Variants in PKHD1L1 observed in about 807,000 individuals in gnomAD.
PKHD1L1 encodes PKHD1 like 1.
A neutral mutation model predicts 462.9 loss-of-function variants in PKHD1L1; 434 were observed. That is an observed-to-expected ratio of 0.94 (90% CI 0.87 to 1.02). The LOEUF (loss-of-function observed/expected upper bound fraction) is 1.02. Among genes scored for constraint, PKHD1L1 ranks in the 50% least tolerant of loss-of-function variants. The pLI, the probability that PKHD1L1 is intolerant of heterozygous loss-of-function variation, is 0.00. For synonymous variants in PKHD1L1, 1,781 were observed against 1,750.0 expected (o/e 1.02, Z -0.44); for missense variants, 5,202 against 5,096.1 (o/e 1.02, Z -0.63).
intron 43 of PKHD1L1, among the ~76,000 whole-genome samples, chr8:109,453,871 A>T (rs1011485119): frequency 3.3e-5 from 5 of 152,122 alleles, no homozygotes; most frequent in African/African-American, 1.2e-4. Context: ...TGCATAGCTG[A>T]GCTATTTAGT....
chr8:109,466,436 A>G (rs2130838446), intron 49 of PKHD1L1, 142 bp from the exon 50 acceptor site: 2 of 790,194 alleles, frequency 2.5e-6, no homozygotes, highest in Admixed American at 3.5e-5. Context: ...CTCTTGCTCC[A>G]TGCAAACAAG....
chr8:109,382,488 G>A lies in PKHD1L1; in HGVS notation c.334G>A (p.Val112Ile), dbSNP rs1301992716. The change falls in exon 4 of 78, where the codon GTT becomes ATT. Residue 112 changes from valine (V) to isoleucine (I), a missense_variant. Physicochemically the swap from Val to Ile is conservative, Grantham distance 29. This residue lies in a region of PKHD1L1 where 4,497 missense variants were observed against 4,336.8 expected (regional missense o/e 1.04). Coordinates refer to ENST00000378402, the MANE Select transcript of PKHD1L1 (RefSeq NM_177531.6). ...TRAMPEDSYT[V>I]RVSVDGVPVT... ...AGCAATGCCGGAAGATTCCTACACT[G>A]TTAGAGTCAGTGTGGACGGGGTTCC... The A allele has an allele frequency of 6.2e-7, 1 of 1,611,242 alleles. No individual in the cohort carries two copies. The highest frequency in any genetic ancestry group is 8.5e-7 in the Non-Finnish European group (1 of 1,178,666).
At chr8:109,371,913 A>C (rs1172275044) in intron 2 of PKHD1L1, among the ~76,000 whole-genome samples, 1 of 151,970 alleles carries the variant, frequency 6.6e-6, no homozygotes, top group Non-Finnish European at 1.5e-5. Context: ...GTAGCCTTGT[A>C]GTATAGTTTG....
intron 5 of PKHD1L1, among the ~76,000 whole-genome samples, chr8:109,385,100 G>A (rs886948982): frequency 1.3e-5 from 2 of 151,360 alleles, no homozygotes; most frequent in South Asian, 2.1e-4. Context: ...TTTTTAAATA[G>A]CATTTAAAAA....
At chr8:109,380,131 T>C (rs2130402773) in intron 2 of PKHD1L1, among the ~76,000 whole-genome samples, 1 of 152,282 alleles carries the variant, frequency 6.6e-6, no homozygotes, top group African/African-American at 2.4e-5. Context: ...ATTATAGTTT[T>C]AGGACTAATT....
Position 109,529,661 on chromosome 8 carries a change from G to A in PKHD1L1, c.12722-419G>A, listed in dbSNP as rs182817515. On this transcript the variant is annotated intron_variant, in intron 77 of 77. Coordinates refer to ENST00000378402, the MANE Select transcript of PKHD1L1 (RefSeq NM_177531.6). ...TTCCAGGAACTTTTCCAGATAAGAA[G>A]ATTAATCAATGGCTTCTTCTTTGCT... is the stretch of plus-strand genomic sequence containing the variant. 4.5e-3 allele frequency among the ~76,000 whole-genome samples: 683 copies of A among 151,308 alleles called. 2 individuals carry two copies. The highest frequency in any genetic ancestry group is 7.5e-3 in the Non-Finnish European group (508 of 67,964).
In PKHD1L1 at chr8:109,435,322, C is replaced by CA; in HGVS notation, c.3474dup (p.His1159ThrfsTer5). On this transcript the variant is annotated frameshift_variant, in exon 29 of 78. Coordinates refer to ENST00000378402, the MANE Select transcript of PKHD1L1 (RefSeq NM_177531.6). LOFTEE classifies it high-confidence loss of function. ...TACTTTGTTTATCAGAGTCAGATCTCACATATCTGGCCTGATTCTGGAAGC... is the reference window on the plus strand; with the variant it reads ...TACTTTGTTTATCAGAGTCAGATCTCAACATATCTGGCCTGATTCTGGAAGC... 6.2e-7 allele frequency: 1 copy of CA among 1,613,452 alleles called. No individual in the cohort carries two copies. The highest frequency in any genetic ancestry group is 8.5e-7 in the Non-Finnish European group (1 of 1,179,626).
rs144784103 is a variant in PKHD1L1 at position 109,381,901 on chromosome 8, T to C, written c.308+387T>C. Among the ~76,000 whole-genome samples the C allele has an allele frequency of 1.3e-3, 204 of 152,296 alleles. 1 individual carries two copies. The highest frequency in any genetic ancestry group is 4.6e-3 in the African/African-American group (192 of 41,574). ...TAAGATTAAATATAATCATTTTGCA[T>C]AGTGACATTTCAAGTTCTTTACTAT... On this transcript the variant is annotated intron_variant, in intron 3 of 77. Coordinates refer to ENST00000378402, the MANE Select transcript of PKHD1L1 (RefSeq NM_177531.6).
At position 109,466,703 on chromosome 8, in the gene PKHD1L1, T is replaced by C. The variant is rs1338623702; in HGVS notation, c.8539T>C (p.Leu2847=). ...TGATGCTTCAGTCAGCTTTCACCGT[T>C]TAGCGTTCAACCAGCCTTCTCCAGT... ...VCDASVSFHR[L]AFNQPSPVSL... The change falls in exon 50 of 78, where the codon TTA becomes CTA. Residue 2847 remains leucine (L), a synonymous_variant. Coordinates refer to ENST00000378402, the MANE Select transcript of PKHD1L1 (RefSeq NM_177531.6). 6.2e-7 allele frequency: 1 copy of C among 1,613,002 alleles called. No individual in the cohort carries two copies. Among genetic ancestry groups the C allele is most frequent in the South Asian group, 1.1e-5 (1 of 90,898 alleles).
chr8:109,487,451 C>T (rs975462997), intron 59 of PKHD1L1, among the ~76,000 whole-genome samples: 1 of 150,390 alleles, frequency 6.6e-6, no homozygotes, highest in African/African-American at 2.4e-5. Context: ...TCCCTCCCTC[C>T]CTTCCTCCCT....
intron 42 of PKHD1L1, 75 bp downstream of exon 42, chr8:109,452,355 G>C: frequency 9.2e-6 from 12 of 1,306,362 alleles, no homozygotes; most frequent in Non-Finnish European, 1.2e-5. Flanking sequence ...ATTGGTAATT[G>C]TTGTTTTACT....
At chr8:109,487,944 AGAAG>A (rs796446244) in intron 59 of PKHD1L1, among the ~76,000 whole-genome samples, 10 of 36,888 alleles carry the variant, frequency 2.7e-4, no homozygotes, top group African/African-American at 3.4e-4. Flanking sequence ...AAGGAAGGAA[AGAAG>A]GAAGGAAGGA....
intron 53 of PKHD1L1, among the ~76,000 whole-genome samples, chr8:109,478,107 CATTTAGTGGGCACTGA>C (rs1818086608): frequency 6.6e-6 from 1 of 152,134 alleles, no homozygotes; most frequent in Non-Finnish European, 1.5e-5. Flanking sequence ...TAAAAACTAA[CATTTAGTGGGCACTGA>C]ATAGCCCACT....
chr8:109,383,197 A>G (rs1198864408), intron 4 of PKHD1L1, among the ~76,000 whole-genome samples: 3 of 87,938 alleles, frequency 3.4e-5, no homozygotes, highest in Admixed American at 1.7e-4. Flanking sequence ...ATTATATATA[A>G]TTATATATTA....
At chr8:109,489,664 A>G (rs1818730680) in intron 59 of PKHD1L1, among the ~76,000 whole-genome samples, 1 of 151,952 alleles carries the variant, frequency 6.6e-6, no homozygotes, top group East Asian at 1.9e-4. Flanking sequence ...TAGGTATTAC[A>G]ATGGTTTGTG....
chr8:109,491,848 T>C, intron 61 of PKHD1L1, 25 bp from the exon 62 acceptor site: 3 of 1,527,212 alleles, frequency 2.0e-6, no homozygotes, highest in Non-Finnish European at 2.6e-6. Flanking sequence ...GGGGATTTTC[T>C]TTCTTTTTTT....
intron 46 of PKHD1L1, among the ~76,000 whole-genome samples, chr8:109,456,809 G>C (rs917888808): frequency 2.6e-5 from 4 of 152,164 alleles, no homozygotes; most frequent in African/African-American, 9.6e-5. Context: ...CAAAGAACAT[G>C]TTTGAAAGCA....
At chr8:109,405,908 T>C (rs1371122245) in intron 16 of PKHD1L1, among the ~76,000 whole-genome samples, 1 of 152,044 alleles carries the variant, frequency 6.6e-6, no homozygotes, top group Non-Finnish European at 1.5e-5. Context: ...GAAGTAAACA[T>C]GTCTTTCAAT....
chr8:109,490,900 A>G, intron 60 of PKHD1L1, 72 bp from the exon 61 acceptor site: 1 of 1,335,570 alleles, frequency 7.5e-7, no homozygotes, highest in African/African-American at 1.5e-5. Flanking sequence ...ACTGAAAATC[A>G]TTTACTTCAA....
Sources: allele counts gnomAD v4.1 joint callset (sites outside exome capture counted in the v4.1 genomes callset), GRCh38; gene constraint gnomAD v4.1.1; regional missense constraint gnomAD v4.1.1; transcripts MANE v1.5; gene names NCBI Gene and HGNC (gene_info 2026-07-23, HGNC 2026-07-21).